CIDEC: variants seen among roughly 807,000 people sequenced by gnomAD.
The protein encoded by CIDEC is cell death inducing DFFA like effector c.
In CIDEC, 11 loss-of-function variants were observed where a neutral mutation model predicts 21.9. That is an observed-to-expected ratio of 0.50 (90% CI 0.32 to 0.83). The LOEUF is 0.83. Ranked by LOEUF, CIDEC falls within the 40% of genes least tolerant of loss-of-function variation. The pLI, the probability that CIDEC is intolerant of heterozygous loss-of-function variation, is 0.04. For synonymous variants in CIDEC, 127 were observed against 124.9 expected (o/e 1.02, Z -0.11); for missense variants, 302 against 302.3 (o/e 1.00, Z 0.01).
At position 9,870,307 on chromosome 3, in the gene CIDEC, T is replaced by A. The variant is rs1226620802; in HGVS notation, c.223A>T (p.Met75Leu). ...AGGAAGAAGGGCTTGTCTGCCAGCA[T>A]CAGAGTGTCCCGGACCTGGGGAATA... ...DLLLKVRDTL[M>L]LADKPFFLVL... Residue 75 changes from methionine (M) to leucine (L), a missense_variant, in exon 5 of 7, where the codon ATG (methionine) becomes TTG (leucine). Met to Leu is a conservative substitution (Grantham distance 15, BLOSUM62 2). Coordinates refer to ENST00000336832, the MANE Select transcript of CIDEC (RefSeq NM_001321142.2). The A allele has an allele frequency of 3.7e-6, 6 of 1,613,724 alleles. No homozygotes were observed. Among genetic ancestry groups the A allele is most frequent in the Non-Finnish European group, 5.1e-6 (6 of 1,180,014 alleles).
rs776529400 is a variant in CIDEC, at chr3:9,869,951, T to G, written c.485A>C (p.Lys162Thr). 1 of 1,614,216 alleles carries G rather than the reference T, an allele frequency of 6.2e-7. No individual in the cohort carries two copies. Among genetic ancestry groups the G allele is most frequent in the East Asian group, 2.2e-5 (1 of 44,884 alleles). Reference protein sequence around the residue: ...PQDFIGCLNVKATFYDTYSLS... With the variant: ...PQDFIGCLNVTATFYDTYSLS... ...GGAGTATGTATCATAAAAAGTCGCC[T>G]TCACGTTCAGGCAGCCAATGAAGTC... Residue 162 changes from lysine (K) to threonine (T), a missense_variant, in exon 6 of 7, where the codon AAG (lysine) becomes ACG (threonine). Physicochemically the swap from Lys to Thr is moderately conservative, Grantham distance 78. Coordinates refer to ENST00000336832, the MANE Select transcript of CIDEC (RefSeq NM_001321142.2).
intron 4 of CIDEC, among the ~76,000 whole-genome samples, chr3:9,872,357 T>C (rs532270306): frequency 6.6e-6 from 1 of 152,100 alleles, no homozygotes; most frequent in Non-Finnish European, 1.5e-5. Context: ...TATTTTTTTG[T>C]AGAAGTAAGG....
At position 9,867,232 on chromosome 3, in the gene CIDEC, A is replaced by G. The variant is rs148620862; in HGVS notation, c.619T>C (p.Cys207Arg). ...GCATCGAGGAGCTGCTGCAGGTAAC[A>G]GGAGGTGCCAAGCAGTACGTGGCCT... ...ATGHVLLGTS[C>R]YLQQLLDATE... Residue 207 changes from cysteine to arginine, a missense_variant, in exon 7 of 7, where the codon TGT (cysteine) becomes CGT (arginine). By Grantham distance (180) the Cys-to-Arg change is radical. Transcript: ENST00000336832. The G allele has an allele frequency of 3.9e-5, 63 of 1,614,064 alleles. No homozygotes were observed. Among genetic ancestry groups the G allele is most frequent in the Non-Finnish European group, 4.8e-5 (57 of 1,180,050 alleles).
chr3:9,869,247 G>A (rs1042628575), intron 6 of CIDEC, among the ~76,000 whole-genome samples: 4 of 151,750 alleles, frequency 2.6e-5, no homozygotes, highest in South Asian at 2.1e-4. Context: ...TCTTTGACAC[G>A]TGCTTTTTTT....
intron 6 of CIDEC, 44 bp downstream of exon 6, chr3:9,869,838 T>C: frequency 5.7e-6 from 9 of 1,585,060 alleles, no homozygotes; most frequent in South Asian, 1.1e-5. Context: ...GGCTCTCCCA[T>C]TGCCTGTACC....
chr3:9,869,455 G>T (rs1207062363), intron 6 of CIDEC, among the ~76,000 whole-genome samples: 1 of 151,960 alleles, frequency 6.6e-6, no homozygotes, highest in Non-Finnish European at 1.5e-5. Flanking sequence ...TTGCCATGTT[G>T]GCCAGGCTGG....
intron 4 of CIDEC, among the ~76,000 whole-genome samples, chr3:9,875,246 G>A (rs191685334): frequency 1.5e-3 from 234 of 151,958 alleles, no homozygotes; most frequent in Non-Finnish European, 2.6e-3. Context: ...GCGCGGTGGC[G>A]GGCGCCCGTA....
chr3:9,875,308 C>T (rs1236737746), intron 4 of CIDEC, among the ~76,000 whole-genome samples: 1 of 144,490 alleles, frequency 6.9e-6, no homozygotes, highest in East Asian at 2.0e-4. Context: ...AGCCGGGAGG[C>T]AGAGCTTGCA....
chr3:9,878,890 C>T, intron 2 of CIDEC, 52 bp downstream of exon 2: 1 of 1,399,466 alleles, frequency 7.1e-7, no homozygotes, highest in East Asian at 2.5e-5. Context: ...CCACTTTACG[C>T]TGGCAGGAGG....
At position 9,877,194 on chromosome 3, in the gene CIDEC, C is replaced by T. The variant is rs2082437876; in HGVS notation, c.79G>A (p.Val27Met). 6.4e-7 allele frequency: 1 copy of T among 1,550,660 alleles called. No individual in the cohort carries two copies. Among genetic ancestry groups the T allele is most frequent in the South Asian group, 1.2e-5 (1 of 84,008 alleles). The part of the protein sequence containing the change: ...SRHVSVRTSV[V>M]TQQLLSEPSP... ...GGCTCCGACAGCAGCTGCTGGGTCA[C>T]CACAGAGGTACGCACTGACACATGC... Residue 27 changes from valine (V) to methionine (M), a missense_variant, in exon 4 of 7, where the codon GTG becomes ATG. Physicochemically the swap from Val to Met is conservative, Grantham distance 21. Transcript: ENST00000336832.
Position 9,878,955 on chromosome 3 carries a change from A to G in CIDEC, c.-39T>C. 1 of 762,448 alleles carries G rather than the reference A, an allele frequency of 1.3e-6. No homozygotes were observed. Among genetic ancestry groups the G allele is most frequent in the Non-Finnish European group, 2.2e-6 (1 of 449,018 alleles). 47.2% of individuals were successfully genotyped at this position (762,448 alleles called of 1,614,324 possible). On this transcript the variant is annotated 5_prime_UTR_variant, in exon 2 of 7. Coordinates refer to ENST00000336832, the MANE Select transcript of CIDEC (RefSeq NM_001321142.2). ...CCGTTCCCTCACCTCTAGTCCAGAG[A>G]CCTCACAGGCAGGCAGCCCAGTCAA...
intron 4 of CIDEC, 100 bp from the exon 5 acceptor site, chr3:9,870,422 A>G: frequency 6.3e-7 from 1 of 1,581,416 alleles, no homozygotes; most frequent in Non-Finnish European, 8.5e-7. Flanking sequence ...TGGAATCACT[A>G]CCCAGAGACT....
chr3:9,877,003 T>G (rs2082432795), intron 4 of CIDEC, 63 bp downstream of exon 4: 13 of 1,409,398 alleles, frequency 9.2e-6, no homozygotes, highest in Non-Finnish European at 1.3e-5. Context: ...TTCTAAGCCC[T>G]GACCTCCATC....
chr3:9,877,249 ACCC>A (rs1452847808), intron 3 of CIDEC, 30 bp from the exon 4 acceptor site: 2 of 1,549,252 alleles, frequency 1.3e-6, no homozygotes, highest in African/African-American at 2.7e-5. Flanking sequence ...AGGGTGAGCC[ACCC>A]ACTTTGCCCA....
At position 9,869,891 on chromosome 3, in the gene CIDEC, C is replaced by T. The variant is rs111713852; in HGVS notation, c.545G>A (p.Arg182His). 96 of 1,612,758 alleles carry T rather than the reference C, an allele frequency of 6.0e-5. 4 individuals are homozygous for T. The Middle Eastern group carries it at 7.3e-3, about 123-fold the overall frequency. Residue 182 changes from arginine (R) to histidine (H), a missense_variant, in exon 6 of 7, where the codon CGC becomes CAC. Physicochemically the swap from Arg to His is conservative, Grantham distance 29. Transcript: ENST00000336832. ...ATCCCAATTTGCTCACTTCATGATGCGCTTGGCCCCACAGCAGTGCAGATC... is the reference window on the plus strand; with the variant it reads ...ATCCCAATTTGCTCACTTCATGATGTGCTTGGCCCCACAGCAGTGCAGATC... ...SYDLHCCGAK[R>H]IMKEAFRWAL... is the part of the protein sequence containing the mutation.
chr3:9,878,379 C>G, intron 3 of CIDEC, 55 bp downstream of exon 3: 3 of 1,329,274 alleles, frequency 2.3e-6, no homozygotes, highest in Non-Finnish European at 3.3e-6. Flanking sequence ...TTGAGAAGTT[C>G]TGGCTTACAG....
chr3:9,875,703 G>A (rs900523944), intron 4 of CIDEC, among the ~76,000 whole-genome samples: 18 of 152,224 alleles, frequency 1.2e-4, no homozygotes, highest in Admixed American at 9.2e-4. Context: ...GAATATCCTT[G>A]TTTGTAGAAA....
chr3:9,876,351 G>A (rs889529657), intron 4 of CIDEC, among the ~76,000 whole-genome samples: 6 of 152,164 alleles, frequency 3.9e-5, no homozygotes, highest in Admixed American at 2.6e-4. Flanking sequence ...GTGCATGCCT[G>A]TAGTCCCAGC....
rs755950777 is a variant in CIDEC, at chr3:9,870,084, G to A, written c.367-15C>T. ...TGCCTTGTCCCCTGCATTGAGACAA[G>A]CAAATGGTTAGCACCCCTTGAAGAC... On this transcript the variant is annotated splice_polypyrimidine_tract_variant and intron_variant, in intron 5 of 6. Transcript: ENST00000336832. 5 of 1,614,038 alleles carry A rather than the reference G, an allele frequency of 3.1e-6. No individual in the cohort carries two copies. The African/African-American group carries it at 6.7e-5, about 22-fold the overall frequency.
Sources: gnomAD v4.1 joint callset for allele counts (sites outside exome capture counted in the v4.1 genomes callset) on GRCh38, gnomAD v4.1.1 for gene constraint, MANE v1.5 for transcripts, NCBI Gene and HGNC (gene_info 2026-07-23, HGNC 2026-07-21) for gene names.